Variants in XRCC4 observed in about 807,000 individuals in gnomAD.
The protein encoded by XRCC4 is DNA repair protein XRCC4.
A neutral mutation model predicts 39.1 loss-of-function variants in XRCC4; 28 were observed. The observed-to-expected ratio is 0.72, with a 90% CI of 0.53 to 0.98. The LOEUF is 0.98. Among genes scored for constraint, XRCC4 ranks in the 50% least tolerant of loss-of-function variants. XRCC4 has a pLI of 0.00. For synonymous variants in XRCC4, 123 were observed against 126.4 expected (o/e 0.97, Z 0.18); for missense variants, 350 against 376.4 (o/e 0.93, Z 0.58).
the XRCC4 span, among the ~76,000 whole-genome samples, chr5:83,366,534 T>C: frequency 1.1e-4 from 16 of 152,310 alleles, no homozygotes; most frequent in East Asian, 2.7e-3. Flanking sequence ...CATTTTAAGA[T>C]GTTGGATTCA....
intron 7 of XRCC4, among the ~76,000 whole-genome samples, chr5:83,334,846 A>G (rs1756547774): frequency 6.6e-6 from 1 of 152,140 alleles, no homozygotes; most frequent in South Asian, 2.1e-4. Flanking sequence ...GGATCTGTAT[A>G]GGATTTAGAA....
chr5:83,091,142 A>AGTATAAAGAG (rs1745407486), intron 1 of XRCC4, among the ~76,000 whole-genome samples: 1 of 152,150 alleles, frequency 6.6e-6, no homozygotes, highest in African/African-American at 2.4e-5. Flanking sequence ...TACTCTTTTG[A>AGTATAAAGAG]CTGTTGTGTT....
chr5:83,224,784 A>G (rs1561416035), intron 6 of XRCC4, among the ~76,000 whole-genome samples: 2 of 152,114 alleles, frequency 1.3e-5, no homozygotes, highest in Non-Finnish European at 2.9e-5. Flanking sequence ...TTCAATTCAG[A>G]TATAGCACTC....
intron 1 of XRCC4, among the ~76,000 whole-genome samples, chr5:83,100,867 G>A (rs1274896874): frequency 6.6e-6 from 1 of 152,010 alleles, no homozygotes; most frequent in African/African-American, 2.4e-5. Flanking sequence ...GTAATTTACT[G>A]CACATTAAAT....
intron 6 of XRCC4, among the ~76,000 whole-genome samples, chr5:83,219,308 G>A (rs1751992657): frequency 6.6e-6 from 1 of 151,692 alleles, no homozygotes; most frequent in African/African-American, 2.4e-5. Context: ...TGGGTGTGTT[G>A]GGGGGTGAGG....
At chr5:83,205,058 A>G in intron 6 of XRCC4, 137 bp downstream of exon 6, 1 of 596,578 alleles carries the variant, frequency 1.7e-6, no homozygotes, top group Non-Finnish European at 2.8e-6. Flanking sequence ...TATTTTAAAA[A>G]CTCAAATTTT....
chr5:83,107,630 G>A (rs990844926), intron 2 of XRCC4, among the ~76,000 whole-genome samples: 5 of 151,832 alleles, frequency 3.3e-5, no homozygotes, highest in African/African-American at 1.2e-4. Context: ...CACAAAGTGG[G>A]TTAATGATCG....
chr5:83,221,710 C>T (rs575085438), intron 6 of XRCC4, among the ~76,000 whole-genome samples: 1 of 151,540 alleles, frequency 6.6e-6, no homozygotes, highest in African/African-American at 2.4e-5. Context: ...TATGCTCAGT[C>T]CTAGATTAAA....
At chr5:83,304,041 A>G (rs1755390029) in intron 7 of XRCC4, among the ~76,000 whole-genome samples, 1 of 152,174 alleles carries the variant, frequency 6.6e-6, no homozygotes, top group South Asian at 2.1e-4. Flanking sequence ...AAAATATGAC[A>G]TAAGTAAATT....
At chr5:83,101,856 C>T (rs1371259632) in intron 1 of XRCC4, among the ~76,000 whole-genome samples, 1 of 152,062 alleles carries the variant, frequency 6.6e-6, no homozygotes, top group Non-Finnish European at 1.5e-5. Flanking sequence ...CAATATAAAA[C>T]ATAAAATTGA....
intron 7 of XRCC4, among the ~76,000 whole-genome samples, chr5:83,346,405 C>T (rs377636321): frequency 5.3e-5 from 8 of 152,130 alleles, no homozygotes; most frequent in Admixed American, 2.0e-4. Context: ...TATTGAACCA[C>T]GTTGCCCACA....
chr5:83,144,391 G>A (rs1037007099), intron 3 of XRCC4, among the ~76,000 whole-genome samples: 7 of 151,718 alleles, frequency 4.6e-5, no homozygotes, highest in Non-Finnish European at 8.8e-5. Context: ...GTCAGGGTGA[G>A]TCTTCCCAAT....
intron 6 of XRCC4, among the ~76,000 whole-genome samples, chr5:83,205,913 GAAAACA>G (rs954238853): frequency 3.8e-4 from 58 of 151,776 alleles, no homozygotes; most frequent in Non-Finnish European, 4.4e-4. Flanking sequence ...ATGCCAAACA[GAAAACA>G]AAAACAAAAA....
chr5:83,111,582 T>C (rs1746447892), intron 3 of XRCC4, among the ~76,000 whole-genome samples: 1 of 151,954 alleles, frequency 6.6e-6, no homozygotes, highest in South Asian at 2.1e-4. Context: ...AAAATATATC[T>C]TTGAATATAG....
intron 7 of XRCC4, among the ~76,000 whole-genome samples, chr5:83,302,163 G>A (rs559203044): frequency 1.3e-5 from 2 of 152,116 alleles, no homozygotes; most frequent in South Asian, 2.1e-4. Context: ...GGTGGGATCC[G>A]CTGAGCAAGG....
intron 6 of XRCC4, among the ~76,000 whole-genome samples, chr5:83,236,643 A>G (rs984155539): frequency 6.6e-6 from 1 of 152,144 alleles, no homozygotes; most frequent in African/African-American, 2.4e-5. Flanking sequence ...GATTCAGGAC[A>G]TTTGTCTGGG....
At chr5:83,290,143 G>T (rs1754867964) in intron 7 of XRCC4, among the ~76,000 whole-genome samples, 1 of 151,758 alleles carries the variant, frequency 6.6e-6, no homozygotes, top group South Asian at 2.1e-4. Context: ...TTTTTGGATG[G>T]TTGTTTGCCC....
At chr5:83,241,904 TTACCCTGGC>T in intron 6 of XRCC4, among the ~76,000 whole-genome samples, 1 of 151,874 alleles carries the variant, frequency 6.6e-6, no homozygotes, top group Non-Finnish European at 1.5e-5. Context: ...AAAAAGGTCT[TTACCCTGGC>T]ATTCCCATTG....
At chr5:83,272,304 C>G (rs761302147) in intron 7 of XRCC4, among the ~76,000 whole-genome samples, 2 of 152,128 alleles carry the variant, frequency 1.3e-5, no homozygotes, top group Non-Finnish European at 2.9e-5. Context: ...TCATACCCCC[C>G]CAAACCCTGT....
Sources: allele counts gnomAD v4.1 joint callset (sites outside exome capture counted in the v4.1 genomes callset), GRCh38; gene constraint gnomAD v4.1.1; transcripts MANE v1.5; gene names NCBI Gene and HGNC (gene_info 2026-07-23, HGNC 2026-07-21).